SLC1A3: variants seen among roughly 807,000 people sequenced by gnomAD.
SLC1A3 encodes solute carrier family 1 member 3.
In SLC1A3, 21 loss-of-function variants were observed where a neutral mutation model predicts 48.1. The ratio of observed to expected loss-of-function variants is 0.44; its 90% confidence interval spans 0.31 to 0.63. The LOEUF (loss-of-function observed/expected upper bound fraction) is 0.63. Among genes scored for constraint, SLC1A3 ranks in the 20% least tolerant of loss-of-function variants. The pLI, the probability that SLC1A3 is intolerant of heterozygous loss-of-function variation, is 0.08. For missense variants in SLC1A3, 546 were observed against 689.0 expected, an observed-to-expected ratio of 0.79 and a Z score of 2.32; for synonymous variants, 239 against 251.4, an observed-to-expected ratio of 0.95 and a Z score of 0.47.
intron 3 of SLC1A3, chr5:36,669,692 C>T (rs1489844821): frequency 6.6e-6 from 1 of 152,128 alleles, no homozygotes; most frequent in Non-Finnish European, 1.5e-5. Flanking sequence ...AATTGAAGGT[C>T]ATGGCTTCAA....
intron 2 of SLC1A3, among the ~76,000 whole-genome samples, chr5:36,615,896 G>A (rs889911028): frequency 6.6e-6 from 1 of 152,198 alleles, no homozygotes; most frequent in African/African-American, 2.4e-5. Context: ...TACTCACTGA[G>A]TATAAAAATG....
At chr5:36,659,565 G>A (rs10941310) in intron 3 of SLC1A3, among the ~76,000 whole-genome samples, 43,183 of 152,110 alleles carry the variant, frequency 0.28, 7,633 homozygotes, top group Non-Finnish European at 0.37. Context: ...AAGCTGATAA[G>A]TGGGGGGAGC....
chr5:36,639,445 G>A (rs1050668338), intron 3 of SLC1A3, among the ~76,000 whole-genome samples: 6 of 152,202 alleles, frequency 3.9e-5, no homozygotes, highest in African/African-American at 1.4e-4. Flanking sequence ...TATTTGGATA[G>A]TATTCTCCTA....
chr5:36,619,423 T>G (rs988970612), intron 2 of SLC1A3, among the ~76,000 whole-genome samples: 3 of 152,154 alleles, frequency 2.0e-5, no homozygotes, highest in Admixed American at 6.5e-5. Flanking sequence ...GAGGATCCCT[T>G]GAGACCAGGA....
intron 2 of SLC1A3, among the ~76,000 whole-genome samples, chr5:36,621,469 G>C (rs113099020): frequency 1.8e-4 from 27 of 152,250 alleles, no homozygotes; most frequent in African/African-American, 1.9e-4. Context: ...GTCAGTGGAG[G>C]GAGTAGGGGA....
intron 3 of SLC1A3, among the ~76,000 whole-genome samples, chr5:36,651,956 T>C (rs1000972177): frequency 1.3e-5 from 2 of 152,192 alleles, no homozygotes; most frequent in Non-Finnish European, 2.9e-5. Flanking sequence ...ACTGCTTCCC[T>C]GAGCAGTGTC....
At chr5:36,648,031 T>C (rs1740904268) in intron 3 of SLC1A3, among the ~76,000 whole-genome samples, 1 of 152,226 alleles carries the variant, frequency 6.6e-6, no homozygotes, top group Admixed American at 6.5e-5. Context: ...CTTTCATCAC[T>C]GAGATTTTTA....
intron 2 of SLC1A3, among the ~76,000 whole-genome samples, chr5:36,628,341 T>C (rs2111749800): frequency 6.6e-6 from 1 of 152,270 alleles, no homozygotes; most frequent in South Asian, 2.1e-4. Context: ...GACAGTTCAG[T>C]TTCCGTAAAA....
At chr5:36,620,160 C>CT (rs1465657755) in intron 2 of SLC1A3, among the ~76,000 whole-genome samples, 1 of 152,162 alleles carries the variant, frequency 6.6e-6, no homozygotes, top group Non-Finnish European at 1.5e-5. Flanking sequence ...AGGCCTCAAT[C>CT]TTTTCATTAA....
chr5:36,659,834 G>A (rs576929584), intron 3 of SLC1A3, among the ~76,000 whole-genome samples: 1 of 152,160 alleles, frequency 6.6e-6, no homozygotes, highest in East Asian at 1.9e-4. Flanking sequence ...AAGAGTGCAC[G>A]AATAAGTGAA....
intron 2 of SLC1A3, among the ~76,000 whole-genome samples, chr5:36,623,308 T>C (rs937139363): frequency 2.0e-5 from 3 of 152,210 alleles, no homozygotes; most frequent in Non-Finnish European, 4.4e-5. Context: ...GACATCCATA[T>C]ATTGTATAAC....
intron 3 of SLC1A3, chr5:36,636,077 G>GTGTGTGTGTGTGTGTGTGTGTA: frequency 6.6e-6 from 1 of 152,310 alleles, no homozygotes; most frequent in South Asian, 2.1e-4. Flanking sequence ...GTGTGTGTGT[G>GTGTGTGTGTGTGTGTGTGTGTA]TATTTAGGTT....
intron 3 of SLC1A3, among the ~76,000 whole-genome samples, chr5:36,637,512 A>G (rs1426987523): frequency 6.6e-6 from 1 of 152,208 alleles, no homozygotes; most frequent in African/African-American, 2.4e-5. Flanking sequence ...GAAATTTTTG[A>G]AAAATTTAAA....
intron 2 of SLC1A3, among the ~76,000 whole-genome samples, chr5:36,627,624 T>C (rs963780170): frequency 1.3e-5 from 2 of 152,180 alleles, no homozygotes; most frequent in Admixed American, 6.5e-5. Flanking sequence ...CCTGATACAG[T>C]GAACGAATCT....
At chr5:36,633,976 C>G (rs1579975073) in intron 3 of SLC1A3, among the ~76,000 whole-genome samples, 1 of 152,296 alleles carries the variant, frequency 6.6e-6, no homozygotes, top group Admixed American at 6.5e-5. Context: ...CTCCCCCGCT[C>G]TTGTAGTATT....
intron 6 of SLC1A3, among the ~76,000 whole-genome samples, chr5:36,679,182 A>G (rs1445315148): frequency 6.6e-6 from 1 of 152,152 alleles, no homozygotes; most frequent in Non-Finnish European, 1.5e-5. Context: ...AAGTCTGGAT[A>G]TTGGTACAGT....
intron 1 of SLC1A3, among the ~76,000 whole-genome samples, chr5:36,597,233 C>CTTTTTTTTT (rs70976237): frequency 0.014 from 653 of 46,120 alleles, 175 homozygotes; most frequent in South Asian, 0.018. Flanking sequence ...TTCTTCCTTT[C>CTTTTTTTTT]TTTTTTTTTT....
intron 3 of SLC1A3, among the ~76,000 whole-genome samples, chr5:36,655,804 A>C (rs1046006240): frequency 2.0e-5 from 3 of 152,164 alleles, no homozygotes; most frequent in Admixed American, 2.0e-4. Flanking sequence ...TTAGGCATTT[A>C]ATTTTGACTT....
rs140180436 is a variant in SLC1A3 at position 36,598,511 on chromosome 5, T to C, written c.-96+1833T>C. On this transcript the variant is annotated intron_variant, in intron 1 of 9. Coordinates refer to the SLC1A3 transcript ENST00000680318. Reference sequence around the variant, plus strand: ...ATTCATGAGCCCTACCAATTCTATCTTTTTCCAAAGACTCTTCTATAAAGA... The same window carrying C: ...ATTCATGAGCCCTACCAATTCTATCCTTTTCCAAAGACTCTTCTATAAAGA... 3.9e-5 allele frequency among the ~76,000 whole-genome samples: 6 copies of C among 152,334 alleles called. No individual in the cohort carries two copies. The East Asian group carries it at 1.2e-3, about 29-fold the overall frequency.
Sources: allele counts gnomAD v4.1 joint callset (sites outside exome capture counted in the v4.1 genomes callset), GRCh38; gene constraint gnomAD v4.1.1; transcripts MANE v1.5; gene names NCBI Gene and HGNC (gene_info 2026-07-23, HGNC 2026-07-21).